LRRC4C: variants seen among roughly 807,000 people sequenced by gnomAD.
LRRC4C encodes the protein leucine rich repeat containing 4C, also known as leucine-rich repeat-containing protein 4C.
A neutral mutation model predicts 33.6 loss-of-function variants in LRRC4C; 5 were observed. The ratio of observed to expected loss-of-function variants is 0.15; its 90% CI spans 0.08 to 0.31. The LOEUF (loss-of-function observed/expected upper bound fraction) is 0.31, where lower values mean the gene tolerates loss of function less well. Among genes scored for constraint, LRRC4C ranks in the 10% least tolerant of loss-of-function variants. The pLI, the probability that LRRC4C is intolerant of heterozygous loss-of-function variation, is 1.00. For synonymous variants in LRRC4C, 329 were observed against 302.0 expected (o/e 1.09, Z -0.93); for missense variants, 560 against 796.7 (o/e 0.70, Z 3.58).
At chr11:41,352,712 A>G (rs1250850609) in intron 1 of LRRC4C, among the ~76,000 whole-genome samples, 1 of 152,176 alleles carries the variant, frequency 6.6e-6, no homozygotes, top group Non-Finnish European at 1.5e-5. Context: ...ATCAATATCA[A>G]GAGGATCTTT....
At chr11:40,541,585 ATGTTCTGCTGC>A (rs1956710259) in intron 3 of LRRC4C, among the ~76,000 whole-genome samples, 1 of 152,150 alleles carries the variant, frequency 6.6e-6, no homozygotes, top group Non-Finnish European at 1.5e-5. Context: ...CACAGTCCCA[ATGTTCTGCTGC>A]AATAAAAGGC....
At chr11:41,192,424 C>CAT (rs1164920083) in intron 1 of LRRC4C, among the ~76,000 whole-genome samples, 4 of 123,200 alleles carry the variant, frequency 3.2e-5, no homozygotes, top group African/African-American at 8.2e-5. Context: ...CACACACACA[C>CAT]ATATATATAC....
intron 3 of LRRC4C, among the ~76,000 whole-genome samples, chr11:40,638,101 G>A (rs1197175698): frequency 6.6e-6 from 1 of 152,156 alleles, no homozygotes; most frequent in Non-Finnish European, 1.5e-5. Flanking sequence ...GCACTCCCAT[G>A]CAAGCACTAC....
At chr11:41,277,610 C>A (rs896929599) in intron 1 of LRRC4C, among the ~76,000 whole-genome samples, 2 of 152,096 alleles carry the variant, frequency 1.3e-5, no homozygotes, top group Non-Finnish European at 2.9e-5. Flanking sequence ...GTCTGTAGTA[C>A]AAGCCCAAAT....
At chr11:41,052,065 C>A (rs1259872722) in intron 1 of LRRC4C, among the ~76,000 whole-genome samples, 1 of 152,114 alleles carries the variant, frequency 6.6e-6, no homozygotes, top group Non-Finnish European at 1.5e-5. Context: ...TACTGGGCAA[C>A]ACCATTAGAA....
At chr11:41,228,787 T>C (rs1393091063) in intron 1 of LRRC4C, among the ~76,000 whole-genome samples, 1 of 152,162 alleles carries the variant, frequency 6.6e-6, no homozygotes, top group African/African-American at 2.4e-5. Context: ...GTCTGGTTAA[T>C]TTAATCAGAT....
At chr11:41,378,479 A>G (rs542586243) in intron 1 of LRRC4C, among the ~76,000 whole-genome samples, 2 of 152,248 alleles carry the variant, frequency 1.3e-5, no homozygotes, top group East Asian at 1.9e-4. Context: ...CTTTATTTTT[A>G]CAGCGGAGAG....
chr11:40,844,680 C>G (rs1458429892), intron 2 of LRRC4C, among the ~76,000 whole-genome samples: 1 of 152,104 alleles, frequency 6.6e-6, no homozygotes, highest in African/African-American at 2.4e-5. Flanking sequence ...TCATTACTTT[C>G]TCATTTATTA....
Position 41,311,019 on chromosome 11 carries a change from G to C in LRRC4C, c.-496+148412C>G, listed in dbSNP as rs553004110. Among the ~76,000 whole-genome samples, 10 of 152,226 alleles carry C rather than the reference G, an allele frequency of 6.6e-5. No individual in the cohort carries two copies. In the South Asian group the frequency reaches 2.1e-3, roughly 32 times the overall value. On this transcript the variant is annotated intron_variant, in intron 1 of 6. Transcript: ENST00000528697. ...TAATATTATTTCCAACCTTCGCTTAGTGCCTAGGCATTTGATTCGCATCTA... is the reference window on the plus strand; with the variant it reads ...TAATATTATTTCCAACCTTCGCTTACTGCCTAGGCATTTGATTCGCATCTA...
intron 1 of LRRC4C, among the ~76,000 whole-genome samples, chr11:41,392,536 C>A (rs1398649868): frequency 6.7e-6 from 1 of 148,236 alleles, no homozygotes; most frequent in Non-Finnish European, 1.5e-5. Context: ...CACCCCCATA[C>A]CCACCACCTC....
At chr11:40,906,888 C>A (rs1407817724) in intron 2 of LRRC4C, among the ~76,000 whole-genome samples, 2 of 152,116 alleles carry the variant, frequency 1.3e-5, no homozygotes, top group Non-Finnish European at 2.9e-5. Flanking sequence ...TCTCAAAGAG[C>A]TTACAATCTG....
chr11:40,976,310 G>T (rs1852082122), intron 1 of LRRC4C, among the ~76,000 whole-genome samples: 1 of 152,086 alleles, frequency 6.6e-6, no homozygotes, highest in Non-Finnish European at 1.5e-5. Flanking sequence ...CATTCACCTG[G>T]ATTTATTTAC....
chr11:40,456,302 A>C (rs1473057953), intron 3 of LRRC4C, among the ~76,000 whole-genome samples: 2 of 152,188 alleles, frequency 1.3e-5, no homozygotes, highest in Non-Finnish European at 2.9e-5. Flanking sequence ...CAATTTATTA[A>C]ATGCCACAAT....
chr11:41,165,755 C>T (rs1307650012), intron 1 of LRRC4C, among the ~76,000 whole-genome samples: 1 of 152,042 alleles, frequency 6.6e-6, no homozygotes, highest in African/African-American at 2.4e-5. Flanking sequence ...AGGGGCCGGG[C>T]ATAGTGGCTC....
intron 5 of LRRC4C, among the ~76,000 whole-genome samples, chr11:40,149,983 A>G (rs974843390): frequency 1.3e-5 from 2 of 152,170 alleles, no homozygotes; most frequent in African/African-American, 4.8e-5. Flanking sequence ...CAGTTCTGGA[A>G]GCTGGAAGTC....
chr11:40,701,377 T>A (rs572356492), intron 2 of LRRC4C, among the ~76,000 whole-genome samples: 1 of 152,108 alleles, frequency 6.6e-6, no homozygotes, highest in South Asian at 2.1e-4. Flanking sequence ...ATTTTCTCAA[T>A]AGATACTAAT....
At chr11:40,764,532 G>C (rs903838490) in intron 2 of LRRC4C, among the ~76,000 whole-genome samples, 1 of 152,156 alleles carries the variant, frequency 6.6e-6, no homozygotes, top group Non-Finnish European at 1.5e-5. Flanking sequence ...TGGCTGGGGA[G>C]AGAGCTTACC....
chr11:40,556,879 G>A (rs17408751), intron 3 of LRRC4C, among the ~76,000 whole-genome samples: 5 of 152,090 alleles, frequency 3.3e-5, no homozygotes, highest in African/African-American at 1.2e-4. Context: ...ATTATTAAAA[G>A]TTGGAGCTTC....
intron 5 of LRRC4C, among the ~76,000 whole-genome samples, chr11:40,187,558 C>G (rs73453892): frequency 5.9e-5 from 9 of 151,674 alleles, no homozygotes; most frequent in African/African-American, 2.2e-4. Flanking sequence ...TCAAGCACCA[C>G]ACGATATTGG....
Sources: allele counts gnomAD v4.1 joint callset (sites outside exome capture counted in the v4.1 genomes callset), GRCh38; gene constraint gnomAD v4.1.1; transcripts MANE v1.5; gene names NCBI Gene and HGNC (gene_info 2026-07-23, HGNC 2026-07-21).